P2RY8: variants seen among roughly 807,000 people sequenced by gnomAD.
P2RY8 encodes the protein P2Y receptor family member 8.
In P2RY8, 6 loss-of-function variants were observed where a neutral mutation model predicts 10.0. The observed-to-expected ratio is 0.60, with a 90% CI of 0.33 to 1.19. The LOEUF is 1.19. P2RY8 is among the 50% of genes most tolerant of loss of function. The probability of loss-of-function intolerance (pLI) is 0.04; values close to 1 mark genes in which losing one functional copy is unlikely to be tolerated. For missense variants in P2RY8, 456 were observed against 542.0 expected, an observed-to-expected ratio of 0.84 and a Z score of 1.58; for synonymous variants, 276 against 252.5, an observed-to-expected ratio of 1.09 and a Z score of -0.88.
intron 1 of P2RY8, among the ~76,000 whole-genome samples, chrX:1,521,803 G>C (rs2092393506): frequency 6.6e-6 from 1 of 152,048 alleles, no homozygotes; most frequent in Non-Finnish European, 1.5e-5. Context: ...TGCTTCCGGT[G>C]AGCGTGACGG....
At chrX:1,499,166 T>G (rs867791349) in intron 1 of P2RY8, among the ~76,000 whole-genome samples, 7,028 of 107,840 alleles carry the variant, frequency 0.065, 502 homozygotes, top group African/African-American at 0.18. Context: ...TTCTTTTCTT[T>G]TTTTTTTTTT....
At chrX:1,493,422 AAGG>A (rs1484083228) in intron 1 of P2RY8, among the ~76,000 whole-genome samples, 3 of 39,570 alleles carry the variant, frequency 7.6e-5, no homozygotes, top group Non-Finnish European at 1.3e-4. Flanking sequence ...AGGAAGGAGG[AAGG>A]AGGAGGGAGG....
rs1366450216 is a variant in P2RY8 at position 1,512,512 on chromosome X, A to G, written c.-25+24409T>C. ...CAGTGGGCTGAGATCATGCCATTGC[A>G]CTCCAGCCTGGGCAACAGAGTGAGA... On this transcript the variant is annotated intron_variant, in intron 1 of 1. Transcript: ENST00000381297. Among the ~76,000 whole-genome samples the G allele has an allele frequency of 2.2e-5, 3 of 135,858 alleles. No individual in the cohort carries two copies. The East Asian group carries it at 6.5e-4, about 30-fold the overall frequency. The allele number at this position is 135,858 out of a possible 152,430, so 89.1% of individuals were successfully genotyped here.
chrX:1,490,884 GA>G (rs1471745133), intron 1 of P2RY8, among the ~76,000 whole-genome samples: 251 of 149,740 alleles, frequency 1.7e-3, no homozygotes, highest in Non-Finnish European at 2.9e-3. Flanking sequence ...GAGAATGAAT[GA>G]ATGATACCCA....
chrX:1,492,598 G>A (rs1177264863), intron 1 of P2RY8, among the ~76,000 whole-genome samples: 10 of 152,146 alleles, frequency 6.6e-5, no homozygotes, highest in Non-Finnish European at 1.5e-4. Context: ...ATCCAGCCAT[G>A]CCTGAAGCCC....
chrX:1,489,019 C>T (rs2092015057), intron 1 of P2RY8, among the ~76,000 whole-genome samples: 1 of 151,470 alleles, frequency 6.6e-6, no homozygotes, highest in Non-Finnish European at 1.5e-5. Context: ...GATTCACTCC[C>T]ACAAATGTGG....
chrX:1,509,780 T>TG (rs1569538152), intron 1 of P2RY8, among the ~76,000 whole-genome samples: 1 of 87,142 alleles, frequency 1.1e-5, no homozygotes, highest in African/African-American at 4.2e-5. Flanking sequence ...TATCTATCTA[T>TG]CATCTATGTA....
intron 1 of P2RY8, among the ~76,000 whole-genome samples, chrX:1,509,811 A>AT (rs2092284545): frequency 1.0e-4 from 9 of 89,070 alleles, no homozygotes; most frequent in African/African-American, 2.2e-4. Context: ...CTATCTATCT[A>AT]TCTATCTATC....
At chrX:1,521,097 C>T (rs1368869288) in intron 1 of P2RY8, among the ~76,000 whole-genome samples, 3 of 138,370 alleles carry the variant, frequency 2.2e-5, no homozygotes, top group Non-Finnish European at 4.5e-5. Context: ...TGCAGCGGTG[C>T]GATCTGAGCT....
chrX:1,493,778 A>G (rs1199976530), intron 1 of P2RY8, among the ~76,000 whole-genome samples: 2 of 152,140 alleles, frequency 1.3e-5, no homozygotes, highest in African/African-American at 2.4e-5. Context: ...GTTAAAACGG[A>G]CAAGACGATT....
At chrX:1,477,473 C>T (rs148978060) in intron 1 of P2RY8, among the ~76,000 whole-genome samples, 3,249 of 152,156 alleles carry the variant, frequency 0.021, 105 homozygotes, top group African/African-American at 0.067. Context: ...TATCAATTAC[C>T]TACCAATCAG....
At chrX:1,486,354 C>G (rs2091986345) in intron 1 of P2RY8, among the ~76,000 whole-genome samples, 1 of 152,176 alleles carries the variant, frequency 6.6e-6, no homozygotes, top group South Asian at 2.1e-4. Flanking sequence ...ACGTGGCCCC[C>G]CCATGCACAC....
rs2091645691 is a variant in P2RY8 at position 1,465,145 on chromosome X, C to A, written c.*334G>T. 3 of 413,646 alleles carry A rather than the reference C, an allele frequency of 7.3e-6. No individual in the cohort carries two copies. Among genetic ancestry groups the A allele is most frequent in the Non-Finnish European group, 1.3e-5 (3 of 231,030 alleles). 25.6% of individuals were successfully genotyped at this position (413,646 alleles called of 1,614,324 possible). ...GGAGCTCGGGGGTGACAGCCCAGCT[C>A]TACTAAAAAAAATACAAAAATTAGC... On this transcript the variant is annotated 3_prime_UTR_variant, in exon 2 of 2. Coordinates refer to ENST00000381297, the MANE Select transcript of P2RY8 (RefSeq NM_178129.5).
intron 1 of P2RY8, among the ~76,000 whole-genome samples, chrX:1,497,484 C>T (rs2092128919): frequency 6.6e-6 from 1 of 151,204 alleles, no homozygotes; most frequent in Non-Finnish European, 1.5e-5. Flanking sequence ...ACGGTGAAAC[C>T]CTGTGTCTAC....
At chrX:1,470,766 T>C (rs759017548) in intron 1 of P2RY8, among the ~76,000 whole-genome samples, 1 of 152,180 alleles carries the variant, frequency 6.6e-6, no homozygotes, top group South Asian at 2.1e-4. Context: ...GGGTGCATAA[T>C]AGTCTACTGT....
At chrX:1,506,682 C>CT (rs765827943) in intron 1 of P2RY8, among the ~76,000 whole-genome samples, 3,206 of 145,124 alleles carry the variant, frequency 0.022, 99 homozygotes, top group African/African-American at 0.071. Context: ...TTCTTTCTTT[C>CT]TTTTTTTTTT....
intron 1 of P2RY8, among the ~76,000 whole-genome samples, chrX:1,510,527 G>A (rs1348495934): frequency 6.6e-6 from 1 of 152,110 alleles, no homozygotes; most frequent in East Asian, 1.9e-4. Flanking sequence ...CTCTGACAAT[G>A]GGCTGGTTCT....
At chrX:1,476,349 G>A (rs1569536773) in intron 1 of P2RY8, among the ~76,000 whole-genome samples, 1 of 151,976 alleles carries the variant, frequency 6.6e-6, no homozygotes. Context: ...GGCTGAGGTG[G>A]GCAGATCATG....
chrX:1,481,737 C>G (rs1265548893), intron 1 of P2RY8, among the ~76,000 whole-genome samples: 1 of 152,188 alleles, frequency 6.6e-6, no homozygotes, highest in Non-Finnish European at 1.5e-5. Flanking sequence ...ACACCTGCCT[C>G]TGAACGAACT....
Sources: allele counts gnomAD v4.1 joint callset (sites outside exome capture counted in the v4.1 genomes callset), GRCh38; gene constraint gnomAD v4.1.1; transcripts MANE v1.5; gene names NCBI Gene and HGNC (gene_info 2026-07-23, HGNC 2026-07-21).